KCNK12: variants seen among roughly 807,000 people sequenced by gnomAD.
KCNK12 encodes potassium two pore domain channel subfamily K member 12.
A neutral mutation model predicts 25.3 loss-of-function variants in KCNK12; 6 were observed. That is an observed-to-expected ratio of 0.24 (90% CI 0.13 to 0.47). The LOEUF (loss-of-function observed/expected upper bound fraction) is 0.47. Ranked by LOEUF, KCNK12 falls within the 20% of genes least tolerant of loss-of-function variation. The pLI is 0.99. For synonymous variants in KCNK12, 331 were observed against 311.1 expected (o/e 1.06, Z -0.67); for missense variants, 444 against 661.7 (o/e 0.67, Z 3.61).
intron 1 of KCNK12, among the ~76,000 whole-genome samples, chr2:47,532,962 C>T (rs1230287440): frequency 1.3e-5 from 2 of 152,200 alleles, no homozygotes; most frequent in African/African-American, 2.4e-5. Context: ...TCCTTACCTT[C>T]TCGGACCCTC....
rs952981109 is a variant in KCNK12, at chr2:47,528,611, C to G, written c.392-6803G>C. ...TCTCCTCCTCCCCCTCAATCACACC[C>G]TGCAGAGGCGTGATCTGTCCCTGGG... On this transcript the variant is annotated intron_variant, in intron 1 of 1. Coordinates refer to ENST00000327876, the MANE Select transcript of KCNK12 (RefSeq NM_022055.2). This position sits in a 1 kb window ranked among gnomAD's most constrained non-coding sequence, Gnocchi z 4.5. 1.3e-5 allele frequency among the ~76,000 whole-genome samples: 2 copies of G among 152,240 alleles called. No individual in the cohort carries two copies. Among genetic ancestry groups the G allele is most frequent in the African/African-American group, 4.8e-5 (2 of 41,464 alleles).
At position 47,509,422 on chromosome 2, in the gene KCNK12, C is replaced by G. The variant is rs893230238; in HGVS notation, c.*11485G>C. ...TTTGAAAACCAACAGATTGCAAATT[C>G]TCTGTCCCATAGCAGGAAACCACAG... On this transcript the variant is annotated 3_prime_UTR_variant, in exon 2 of 2. Transcript: ENST00000327876. Among the ~76,000 whole-genome samples, 7 of 152,234 alleles carry G rather than the reference C, an allele frequency of 4.6e-5. No individual in the cohort carries two copies. The highest frequency in any genetic ancestry group is 1.7e-4 in the African/African-American group (7 of 41,460).
At chr2:47,522,358 A>G (rs1668677560) in intron 1 of KCNK12, among the ~76,000 whole-genome samples, 1 of 152,210 alleles carries the variant, frequency 6.6e-6, no homozygotes, top group Admixed American at 6.5e-5. Context: ...CACTTTTTAT[A>G]CCAGTCTTGT....
In KCNK12 at chr2:47,516,279, T is replaced by C. The variant is rs183663620; in HGVS notation, c.*4628A>G. Among the ~76,000 whole-genome samples, 1 of 152,222 alleles carries C rather than the reference T, an allele frequency of 6.6e-6. No homozygotes were observed. The highest frequency in any genetic ancestry group is 1.5e-5 in the Non-Finnish European group (1 of 68,050). The stretch of plus-strand genomic sequence containing the variant: ...CCTTAGACCAATGAAATCAGACTCC[T>C]GGGAGTACGGCCCGGGCCTCGGGAT... On this transcript the variant is annotated 3_prime_UTR_variant, in exon 2 of 2. Coordinates refer to ENST00000327876, the MANE Select transcript of KCNK12 (RefSeq NM_022055.2).
rs994638473 is a variant in KCNK12 at position 47,540,729 on chromosome 2, C to G, written c.392-18921G>C. 6.6e-6 allele frequency among the ~76,000 whole-genome samples: 1 copy of G among 152,120 alleles called. No homozygotes were observed. The highest frequency in any genetic ancestry group is 1.9e-4 in the East Asian group (1 of 5,190). ...TTGCTTGAGGCCAGGAGTTTGGGAC[C>G]AGCCTGGGCAACATGGTGAGACTCC... On this transcript the variant is annotated intron_variant, in intron 1 of 1. Transcript: ENST00000327876. The surrounding 1 kb of genome is among the most constrained non-coding windows in gnomAD (Gnocchi z 5.4).
Position 47,512,395 on chromosome 2 carries a change from G to C in KCNK12, c.*8512C>G. The C allele has an allele frequency of 6.2e-7, 1 of 1,611,200 alleles. No individual in the cohort carries two copies. The highest frequency in any genetic ancestry group is 1.3e-5 in the African/African-American group (1 of 75,030). ...GGGGAAAGAGATCTGCTTGCAGTCG[G>C]CCAGAGAGACAGAACCAGGGCAGTG... On this transcript the variant is annotated 3_prime_UTR_variant, in exon 2 of 2. Coordinates refer to ENST00000327876, the MANE Select transcript of KCNK12 (RefSeq NM_022055.2).
intron 1 of KCNK12, among the ~76,000 whole-genome samples, chr2:47,523,102 A>G (rs1668696671): frequency 6.6e-6 from 1 of 152,224 alleles, no homozygotes. Flanking sequence ...TTTTTCTCCA[A>G]AAGCCTGGTT....
chr2:47,570,010 C>T lies in KCNK12; in HGVS notation c.322G>A (p.Asp108Asn). Residue 108 changes from aspartate to asparagine, a missense_variant, in exon 1 of 2, where the codon GAC (aspartate) becomes AAC (asparagine). Physicochemically the swap from Asp to Asn is conservative, Grantham distance 23 (BLOSUM62 1). Coordinates refer to ENST00000327876, the MANE Select transcript of KCNK12 (RefSeq NM_022055.2). ...EAALAAGVRA[D>N]ALRPRWDFPG... ...AAGTCCCAGCGCGGGCGCAGCGCGT[C>T]GGCGCGGACGCCGGCGGCCAGCGCG... 7.0e-7 allele frequency: 1 copy of T among 1,429,514 alleles called. No homozygotes were observed. The highest frequency in any genetic ancestry group is 1.5e-5 in the African/African-American group (1 of 66,524). The allele number at this position is 1,429,514 out of a possible 1,614,324, so 88.6% of individuals were successfully genotyped here.
intron 1 of KCNK12, among the ~76,000 whole-genome samples, chr2:47,523,048 T>G (rs1314013859): frequency 6.6e-6 from 1 of 152,232 alleles, no homozygotes; most frequent in Non-Finnish European, 1.5e-5. Flanking sequence ...TCAAGTTATT[T>G]GGAATTGTGA....
intron 1 of KCNK12, among the ~76,000 whole-genome samples, chr2:47,541,958 C>G (rs948650984): frequency 5.3e-5 from 8 of 152,224 alleles, no homozygotes; most frequent in African/African-American, 1.9e-4. Flanking sequence ...TGGCTGCACC[C>G]TGGCTCATTC....
At chr2:47,536,709 G>A (rs938494710) in intron 1 of KCNK12, among the ~76,000 whole-genome samples, 2 of 152,196 alleles carry the variant, frequency 1.3e-5, no homozygotes, top group African/African-American at 4.8e-5. Context: ...GTATCAAAGA[G>A]GGCTAATTCT....
Position 47,521,348 on chromosome 2 carries a change from G to T in KCNK12, c.852C>A (p.Ile284=), listed in dbSNP as rs77883212. 4 of 1,613,604 alleles carry T rather than the reference G, an allele frequency of 2.5e-6. No homozygotes were observed. The Admixed American group carries it at 6.7e-5, about 27-fold the overall frequency. The change falls in exon 2 of 2, where the codon ATC becomes ATA. Residue 284 remains isoleucine, a synonymous_variant. Transcript: ENST00000327876. ...GLYRLGNFLF[I]LLGVCCIYSL... ...AGTAAATGCAGCACACGCCGAGCAG[G>T]ATGAAGAGGAAGTTGCCCAGGCGGT...
rs575607120 is a variant in KCNK12 at position 47,531,471 on chromosome 2, T to TA, written c.392-9664dup. ...CTGGGTGACAGAGCAAGACCCTGTT[T>TA]AAAAAAAAAAAAAAGATTAGGTGGG... On this transcript the variant is annotated intron_variant, in intron 1 of 1. Transcript: ENST00000327876. 3.9e-3 allele frequency among the ~76,000 whole-genome samples: 546 copies of TA among 140,600 alleles called. 2 individuals are homozygous for TA. The highest frequency in any genetic ancestry group is 6.3e-3 in the Admixed American group (90 of 14,198). 92.2% of individuals were successfully genotyped at this position (140,600 alleles called of 152,430 possible).
intron 1 of KCNK12, among the ~76,000 whole-genome samples, chr2:47,532,742 C>T (rs191190737): frequency 1.3e-5 from 2 of 152,326 alleles, no homozygotes; most frequent in Admixed American, 1.3e-4. Flanking sequence ...TAGGTGCCAG[C>T]ATCCAAGCCT....
intron 1 of KCNK12, chr2:47,535,055 A>G: frequency 4.4e-6 from 1 of 228,580 alleles, no homozygotes; most frequent in East Asian, 6.2e-5. Context: ...GGGGGCACGC[A>G]GAGCCCTCGG....
intron 1 of KCNK12, among the ~76,000 whole-genome samples, chr2:47,534,050 G>A (rs945184146): frequency 6.6e-6 from 1 of 151,994 alleles, no homozygotes; most frequent in Non-Finnish European, 1.5e-5. Flanking sequence ...ATGGGAGGCG[G>A]GGACAGCTGA....
chr2:47,524,917 A>G lies in KCNK12; in HGVS notation c.392-3109T>C, dbSNP rs544073132. 2.2e-4 allele frequency among the ~76,000 whole-genome samples: 33 copies of G among 152,242 alleles called. 1 individual carries two copies. The Middle Eastern group carries it at 0.014, about 63-fold the overall frequency. On this transcript the variant is annotated intron_variant, in intron 1 of 1. Coordinates refer to ENST00000327876, the MANE Select transcript of KCNK12 (RefSeq NM_022055.2). ...TCCTGGCTTCAAGCCTGGTGCATAG[A>G]TCGGTATACAGAACACTGCATCTAC... is the stretch of plus-strand genomic sequence containing the variant.
intron 1 of KCNK12, among the ~76,000 whole-genome samples, chr2:47,523,007 T>A (rs1188019677): frequency 6.6e-6 from 1 of 152,192 alleles, no homozygotes; most frequent in Non-Finnish European, 1.5e-5. Context: ...GTGTCAGTGC[T>A]CAAAAGTCAA....
In KCNK12 at chr2:47,555,416, C is replaced by T. The variant is rs6752504; in HGVS notation, c.391+14525G>A. On this transcript the variant is annotated intron_variant, in intron 1 of 1. Transcript: ENST00000327876. The surrounding 1 kb of genome is among the most constrained non-coding windows in gnomAD (Gnocchi z 4.5). Reference sequence around the variant, plus strand: ...GTACTCTTAATCACTGGGGACCCCACTGTCACTCTAGAGATTTTACAAGAT... The same window carrying T: ...GTACTCTTAATCACTGGGGACCCCATTGTCACTCTAGAGATTTTACAAGAT... Among the ~76,000 whole-genome samples, 34,689 of 152,100 alleles carry T rather than the reference C, an allele frequency of 0.23. 5,919 individuals are homozygous for T. Among genetic ancestry groups the T allele is most frequent in the African/African-American group, 0.49 (20,105 of 41,436 alleles).
Sources: allele counts gnomAD v4.1 joint callset (sites outside exome capture counted in the v4.1 genomes callset), GRCh38; gene constraint gnomAD v4.1.1; non-coding constraint Gnocchi (gnomAD v3.1); transcripts MANE v1.5; gene names NCBI Gene and HGNC (gene_info 2026-07-23, HGNC 2026-07-21).